ANKRD36C: variants seen among roughly 807,000 people sequenced by gnomAD.
ANKRD36C encodes ankyrin repeat domain 36C.
ANKRD36C carries 61 observed loss-of-function variants against 276.4 expected under a neutral mutation model. That is an observed-to-expected ratio of 0.22 (90% CI 0.18 to 0.27). ANKRD36C has a LOEUF of 0.27. Among genes scored for constraint, ANKRD36C ranks in the 10% least tolerant of loss-of-function variants. The pLI is 1.00. For missense variants in ANKRD36C, 1,447 were observed against 2,032.3 expected (o/e 0.71, Z 5.54); for synonymous variants, 483 against 680.1 (o/e 0.71, Z 4.51).
At chr2:95,962,826 T>C (rs1159776148) in intron 6 of ANKRD36C, among the ~76,000 whole-genome samples, 1 of 151,946 alleles carries the variant, frequency 6.6e-6, no homozygotes, top group Non-Finnish European at 1.5e-5. Flanking sequence ...TGTGGATATA[T>C]GGAGGGATAA....
rs192524601 is a variant in ANKRD36C, at chr2:95,968,450, G to C, written c.800-5903C>G. Among the ~76,000 whole-genome samples the C allele has an allele frequency of 1.2e-4, 19 of 152,236 alleles. No homozygotes were observed. The East Asian group carries it at 2.5e-3, about 20-fold the overall frequency. ...ATTAGTAGAATCAATATAATGAGCAGGCATTATCAAAGAACATGATTTCTG... is the reference window on the plus strand; with the variant it reads ...ATTAGTAGAATCAATATAATGAGCACGCATTATCAAAGAACATGATTTCTG... On this transcript the variant is annotated intron_variant, in intron 6 of 66. Coordinates refer to ENST00000456556, the Ensembl canonical transcript of ANKRD36C.
intron 1 of ANKRD36C, among the ~76,000 whole-genome samples, chr2:95,990,264 A>G (rs1679111295): frequency 6.6e-6 from 1 of 152,356 alleles, no homozygotes. Flanking sequence ...TGAGTAATTC[A>G]TCTTTTCCTA....
intron 6 of ANKRD36C, among the ~76,000 whole-genome samples, chr2:95,965,300 T>C (rs1370355194): frequency 2.6e-5 from 4 of 151,980 alleles, no homozygotes; most frequent in African/African-American, 9.7e-5. Context: ...TTCAAGGGCC[T>C]ATTTGTCATT....
At chr2:95,885,501 T>C (rs1676179099) in intron 52 of ANKRD36C, among the ~76,000 whole-genome samples, 1 of 151,252 alleles carries the variant, frequency 6.6e-6, no homozygotes, top group Non-Finnish European at 1.5e-5. Context: ...CAAATTTATC[T>C]GAAGTGAGTT....
At chr2:95,894,679 C>G (rs367853774) in intron 44 of ANKRD36C, among the ~76,000 whole-genome samples, 1 of 150,114 alleles carries the variant, frequency 6.7e-6, no homozygotes, top group African/African-American at 2.4e-5. Context: ...TTCATATTCA[C>G]GTTTATCTCA....
intron 50 of ANKRD36C, among the ~76,000 whole-genome samples, chr2:95,887,476 G>GA (rs1676226359): frequency 6.6e-6 from 1 of 151,122 alleles, no homozygotes; most frequent in Non-Finnish European, 1.5e-5. Flanking sequence ...TCTTCCTTGG[G>GA]AAAAATCATT....
chr2:95,929,803 T>C (rs1663908326), intron 24 of ANKRD36C, among the ~76,000 whole-genome samples: 1 of 151,468 alleles, frequency 6.6e-6, no homozygotes, highest in African/African-American at 2.4e-5. Flanking sequence ...AGCTTGGATA[T>C]ATGTTTGGTG....
chr2:95,884,286 T>A (rs548429093), intron 53 of ANKRD36C, 41 bp from the exon 74 acceptor site: 1 of 1,610,078 alleles, frequency 6.2e-7, no homozygotes, highest in East Asian at 2.2e-5. Flanking sequence ...CAATAAAGTA[T>A]GTTTCATAGA....
chr2:95,921,659 A>G (rs754577332), exon 34 of ANKRD36C: 2 of 1,608,826 alleles, frequency 1.2e-6, no homozygotes, highest in Non-Finnish European at 1.7e-6. Flanking sequence ...TCGAAACAGA[A>G]TCTTCCTCGT....
chr2:95,921,088 C>G (rs558634937), intron 34 of ANKRD36C, among the ~76,000 whole-genome samples: 2 of 150,548 alleles, frequency 1.3e-5, no homozygotes, highest in Admixed American at 6.6e-5. Context: ...AGCAGAAACC[C>G]CTAAATTATA....
chr2:95,969,869 A>T (rs1027039730), intron 6 of ANKRD36C, among the ~76,000 whole-genome samples: 20 of 152,050 alleles, frequency 1.3e-4, no homozygotes, highest in African/African-American at 4.8e-4. Flanking sequence ...ATTAGATATT[A>T]TTAATCTCTT....
At chr2:95,860,186 T>C (rs1460927868) in intron 60 of ANKRD36C, 112 bp from the exon 81 acceptor site, 6 of 818,986 alleles carry the variant, frequency 7.3e-6, no homozygotes, top group Non-Finnish European at 7.8e-6. Flanking sequence ...AGTATGTACA[T>C]ATTGAGTGCC....
At chr2:95,869,050 T>A (rs965817193) in intron 59 of ANKRD36C, among the ~76,000 whole-genome samples, 3 of 151,496 alleles carry the variant, frequency 2.0e-5, no homozygotes, top group African/African-American at 7.2e-5. Context: ...AAGTGGAAGA[T>A]AAATTTGCTA....
At position 95,908,295 on chromosome 2, in the gene ANKRD36C, A is replaced by G. The variant is rs550597124; in HGVS notation, c.2653+3949T>C. 1.4e-3 allele frequency among the ~76,000 whole-genome samples: 209 copies of G among 150,720 alleles called. 1 individual carries two copies. Among genetic ancestry groups the G allele is most frequent in the African/African-American group, 5.0e-3 (205 of 41,266 alleles). On this transcript the variant is annotated intron_variant, in intron 42 of 66. Coordinates refer to ENST00000456556, the Ensembl canonical transcript of ANKRD36C. The stretch of plus-strand genomic sequence containing the variant: ...TCCATATTTCTTCTTCCCAATTTCA[A>G]TATGGGGAAGTGTATAATCTTACGG...
chr2:95,956,249 G>A (rs1678324128), intron 13 of ANKRD36C, among the ~76,000 whole-genome samples: 1 of 152,092 alleles, frequency 6.6e-6, no homozygotes, highest in South Asian at 2.1e-4. Flanking sequence ...AAAACTTACG[G>A]TCTTGTGGCC....
intron 52 of ANKRD36C, 140 bp downstream of exon 72, chr2:95,885,908 A>G (rs1676190160): frequency 6.8e-7 from 1 of 1,473,560 alleles, no homozygotes; most frequent in South Asian, 1.2e-5. Context: ...GGGTCACCCG[A>G]GGACTTATTA....
chr2:95,923,104 T>G (rs1006528798), intron 32 of ANKRD36C, among the ~76,000 whole-genome samples: 2 of 151,594 alleles, frequency 1.3e-5, no homozygotes, highest in African/African-American at 4.8e-5. Flanking sequence ...TTTTTACTGG[T>G]TATTATGATC....
chr2:95,885,679 C>T (rs1256674355), intron 52 of ANKRD36C, among the ~76,000 whole-genome samples: 6 of 151,892 alleles, frequency 4.0e-5, no homozygotes, highest in Non-Finnish European at 8.8e-5. Context: ...CTTTTCCCTC[C>T]GTTTATAACA....
intron 59 of ANKRD36C, among the ~76,000 whole-genome samples, chr2:95,874,271 T>C (rs993740048): frequency 2.2e-4 from 33 of 152,104 alleles, no homozygotes; most frequent in Non-Finnish European, 4.0e-4. Context: ...CTACCTGACT[T>C]CAAACTATAC....
Sources: gnomAD v4.1 joint callset for allele counts (sites outside exome capture counted in the v4.1 genomes callset) on GRCh38, gnomAD v4.1.1 for gene constraint, MANE v1.5 for transcripts, NCBI Gene and HGNC (gene_info 2026-07-23, HGNC 2026-07-21) for gene names.